NELL2: variants seen among roughly 807,000 people sequenced by gnomAD.
NELL2 encodes neural EGFL like 2, also known as protein kinase C-binding protein NELL2.
NELL2 carries 41 observed loss-of-function variants against 109.6 expected under a neutral mutation model. The observed-to-expected ratio is 0.37, with a 90% CI of 0.29 to 0.49. The LOEUF (loss-of-function observed/expected upper bound fraction) is 0.49, where lower values mean the gene tolerates loss of function less well. Ranked by LOEUF, NELL2 falls within the 20% of genes least tolerant of loss-of-function variation. The probability of loss-of-function intolerance (pLI) is 0.98; values close to 1 mark genes in which losing one functional copy is unlikely to be tolerated. For missense variants in NELL2, 900 were observed against 1,008.3 expected (o/e 0.89, Z 1.45); for synonymous variants, 355 against 344.7 (o/e 1.03, Z -0.33).
chr12:44,647,944 C>T (rs950361433), intron 13 of NELL2, among the ~76,000 whole-genome samples: 3 of 152,094 alleles, frequency 2.0e-5, no homozygotes, highest in African/African-American at 4.8e-5. Flanking sequence ...CTAGGTGATG[C>T]ATCATGTGGT....
intron 7 of NELL2, 62 bp downstream of exon 7, chr12:44,776,980 G>T: frequency 7.3e-7 from 1 of 1,364,498 alleles, no homozygotes; most frequent in Non-Finnish European, 1.0e-6. Flanking sequence ...GGTTATAAAT[G>T]GAAGTATTGG....
chr12:44,875,441 T>C, intron 1 of NELL2, 88 bp from the exon 2 acceptor site: 1 of 1,613,824 alleles, frequency 6.2e-7, no homozygotes, highest in South Asian at 1.1e-5. Flanking sequence ...AAGAACCGCG[T>C]TTTCGCGACA....
intron 1 of NELL2, among the ~76,000 whole-genome samples, chr12:44,913,316 C>T (rs1039250193): frequency 2.0e-5 from 3 of 152,068 alleles, no homozygotes; most frequent in Admixed American, 1.3e-4. Context: ...CTCCATACAG[C>T]TGATTGAAAA....
intron 13 of NELL2, among the ~76,000 whole-genome samples, chr12:44,648,403 A>C (rs1015914658): frequency 4.6e-5 from 7 of 152,068 alleles, no homozygotes; most frequent in African/African-American, 1.4e-4. Flanking sequence ...AACAACTTCT[A>C]CTATAATAGT....
At chr12:44,598,426 C>T (rs1945058030) in intron 15 of NELL2, among the ~76,000 whole-genome samples, 1 of 152,062 alleles carries the variant, frequency 6.6e-6, no homozygotes, top group South Asian at 2.1e-4. Context: ...TCATAAACTT[C>T]ATATCATTAT....
intron 13 of NELL2, among the ~76,000 whole-genome samples, chr12:44,663,356 T>C (rs572986589): frequency 6.6e-6 from 1 of 152,306 alleles, no homozygotes; most frequent in Admixed American, 6.5e-5. Flanking sequence ...GACCTAGTCA[T>C]AATAGAGAGA....
chr12:44,687,247 C>CTGCG (rs1555199060), intron 12 of NELL2, among the ~76,000 whole-genome samples: 1 of 152,114 alleles, frequency 6.6e-6, no homozygotes, highest in Non-Finnish European at 1.5e-5. Flanking sequence ...TGAGGCAATG[C>CTGCG]CGCGCCCTGC....
At chr12:44,903,902 G>T (rs980006447) in intron 1 of NELL2, among the ~76,000 whole-genome samples, 1 of 150,790 alleles carries the variant, frequency 6.6e-6, no homozygotes. Flanking sequence ...GTGGGGGCAA[G>T]GGGAGGGATA....
chr12:44,709,020 A>G (rs1377894530), intron 11 of NELL2, among the ~76,000 whole-genome samples: 1 of 152,112 alleles, frequency 6.6e-6, no homozygotes, highest in Admixed American at 6.6e-5. Context: ...GTTTCTCTTG[A>G]TATCTTAAAG....
chr12:44,776,156 G>C lies in NELL2; in HGVS notation c.763-6C>G, dbSNP rs1025559175. On this transcript the variant is annotated splice_region_variant and splice_polypyrimidine_tract_variant and intron_variant, in intron 7 of 19. Transcript: ENST00000429094. ...CGCTGTTCAGCTCGAGACAGCTGTG[G>C]CACAAAAGAACGGGTTTTACATTGT... is the stretch of plus-strand genomic sequence containing the variant. 1 of 1,612,520 alleles carries C rather than the reference G, an allele frequency of 6.2e-7. No homozygotes were observed.
chr12:44,771,114 T>A (rs9971819), intron 9 of NELL2, among the ~76,000 whole-genome samples: 2,983 of 152,198 alleles, frequency 0.02, 92 homozygotes, highest in African/African-American at 0.069. Context: ...ATACTTTCCA[T>A]TTTCTACAGC....
At chr12:44,873,080 G>A (rs1387133282) in intron 2 of NELL2, among the ~76,000 whole-genome samples, 1 of 152,176 alleles carries the variant, frequency 6.6e-6, no homozygotes, top group Non-Finnish European at 1.5e-5. Flanking sequence ...GAAATCACAA[G>A]AGCATAATCA....
chr12:44,691,869 T>C (rs1015961284), intron 12 of NELL2, among the ~76,000 whole-genome samples: 2 of 152,084 alleles, frequency 1.3e-5, no homozygotes, highest in Non-Finnish European at 2.9e-5. Context: ...AAGAAAAGTT[T>C]AAAGCTAGCA....
At chr12:44,683,834 G>T (rs1948616756) in intron 12 of NELL2, among the ~76,000 whole-genome samples, 1 of 152,184 alleles carries the variant, frequency 6.6e-6, no homozygotes, top group Admixed American at 6.5e-5. Context: ...GTATTTTATT[G>T]AGAATTTTTG....
chr12:44,880,115 AC>A, upstream of NELL2, among the ~76,000 whole-genome samples: 1 of 71,838 alleles, frequency 1.4e-5, no homozygotes, highest in African/African-American at 6.1e-5. Context: ...CAAGAAACAT[AC>A]ACACACACAC....
intron 1 of NELL2, among the ~76,000 whole-genome samples, chr12:44,882,621 G>A (rs983243167): frequency 5.9e-5 from 9 of 151,422 alleles, no homozygotes; most frequent in Non-Finnish European, 7.4e-5. Context: ...TCCACCTCCC[G>A]AGTTCGAGCA....
intron 12 of NELL2, among the ~76,000 whole-genome samples, chr12:44,702,024 CT>C (rs1566194112): frequency 6.6e-6 from 1 of 152,082 alleles, no homozygotes; most frequent in Non-Finnish European, 1.5e-5. Context: ...CACTTAGAGC[CT>C]TTCCACTTTT....
At chr12:44,659,048 A>G (rs368022220) in intron 13 of NELL2, among the ~76,000 whole-genome samples, 2 of 152,136 alleles carry the variant, frequency 1.3e-5, no homozygotes, top group East Asian at 1.9e-4. Flanking sequence ...ATAACACCAC[A>G]CATCTATAAA....
chr12:44,685,544 A>G (rs1182410018), intron 12 of NELL2, among the ~76,000 whole-genome samples: 1 of 152,072 alleles, frequency 6.6e-6, no homozygotes, highest in Non-Finnish European at 1.5e-5. Flanking sequence ...ATTTTGCAGC[A>G]GGTGGTACTG....
Sources: gnomAD v4.1 joint callset for allele counts (sites outside exome capture counted in the v4.1 genomes callset) on GRCh38, gnomAD v4.1.1 for gene constraint, MANE v1.5 for transcripts, NCBI Gene and HGNC (gene_info 2026-07-23, HGNC 2026-07-21) for gene names.